RPH3A: variants seen among roughly 807,000 people sequenced by gnomAD.
RPH3A encodes the protein rabphilin-3A.
In RPH3A, 48 loss-of-function variants were observed where a neutral mutation model predicts 102.2. The observed-to-expected ratio is 0.47, with a 90% confidence interval of 0.37 to 0.60. The LOEUF is 0.60. RPH3A is among the 20% of genes least tolerant of loss of function. The pLI is 0.00. For missense variants in RPH3A, 781 were observed against 910.1 expected (o/e 0.86, Z 1.83); for synonymous variants, 310 against 324.3 (o/e 0.96, Z 0.47).
intron 1 of RPH3A, among the ~76,000 whole-genome samples, chr12:112,767,341 T>G (rs2040897525): frequency 1.3e-5 from 2 of 152,134 alleles, no homozygotes; most frequent in African/African-American, 4.8e-5. Context: ...CTCCTCAATC[T>G]CACCCTCTGG....
intron 2 of RPH3A, among the ~76,000 whole-genome samples, chr12:112,811,041 T>G (rs922620349): frequency 6.6e-6 from 1 of 152,128 alleles, no homozygotes; most frequent in Non-Finnish European, 1.5e-5. Flanking sequence ...GATAGTTATG[T>G]TCTGCAAAGT....
At chr12:112,677,425 C>T in intron 1 of RPH3A, among the ~76,000 whole-genome samples, 1 of 85,440 alleles carries the variant, frequency 1.2e-5, no homozygotes, top group East Asian at 3.8e-4. Flanking sequence ...CTCCTTCCTT[C>T]CTTCCTTCCT....
chr12:112,588,199 C>G (rs545448956), intron 1 of RPH3A, among the ~76,000 whole-genome samples: 14 of 152,256 alleles, frequency 9.2e-5, no homozygotes, highest in African/African-American at 3.4e-4. Flanking sequence ...TTTTTATGCA[C>G]AGCATTAAAT....
At chr12:112,601,007 A>G (rs1320206680) in intron 1 of RPH3A, among the ~76,000 whole-genome samples, 3 of 152,172 alleles carry the variant, frequency 2.0e-5, no homozygotes, top group African/African-American at 7.2e-5. Context: ...ATTAGATCTC[A>G]TGAGAGGCAC....
chr12:112,803,258 A>G (rs1309406147), intron 2 of RPH3A, among the ~76,000 whole-genome samples: 1 of 152,110 alleles, frequency 6.6e-6, no homozygotes, highest in African/African-American at 2.4e-5. Context: ...CACTGAGTTA[A>G]GAGTCTGTCC....
At chr12:112,848,047 G>T (rs1334068288) in intron 5 of RPH3A, among the ~76,000 whole-genome samples, 1 of 152,200 alleles carries the variant, frequency 6.6e-6, no homozygotes. Flanking sequence ...AGAGCTAGGA[G>T]AAGAGAAAAG....
At chr12:112,856,963 G>A (rs59035474) in intron 5 of RPH3A, among the ~76,000 whole-genome samples, 1,737 of 152,138 alleles carry the variant, frequency 0.011, 35 homozygotes, top group African/African-American at 0.033. Context: ...ATAGGGCCAG[G>A]CAAGCTCACT....
chr12:112,836,127 T>C (rs1386841271), intron 3 of RPH3A, among the ~76,000 whole-genome samples: 1 of 152,254 alleles, frequency 6.6e-6, no homozygotes, highest in Admixed American at 6.5e-5. Context: ...CTACCTAGTA[T>C]GGTCCTTGTC....
chr12:112,748,830 G>A (rs555891627), intron 1 of RPH3A, among the ~76,000 whole-genome samples: 9 of 152,224 alleles, frequency 5.9e-5, no homozygotes, highest in South Asian at 2.1e-4. Context: ...CAGAGGCTAC[G>A]AACTGATATT....
At chr12:112,643,812 T>C (rs1407718285) in intron 1 of RPH3A, among the ~76,000 whole-genome samples, 3 of 152,224 alleles carry the variant, frequency 2.0e-5, no homozygotes, top group African/African-American at 7.2e-5. Context: ...ATCCCACTAA[T>C]GGGTTTCAAC....
intron 4 of RPH3A, among the ~76,000 whole-genome samples, chr12:112,842,190 A>C (rs1417771921): frequency 6.6e-6 from 1 of 152,240 alleles, no homozygotes; most frequent in African/African-American, 2.4e-5. Flanking sequence ...AGTGCCCACT[A>C]TATGTGCAGT....
At chr12:112,803,266 T>C (rs534094264) in intron 2 of RPH3A, among the ~76,000 whole-genome samples, 1 of 152,184 alleles carries the variant, frequency 6.6e-6, no homozygotes, top group South Asian at 2.1e-4. Context: ...TAAGAGTCTG[T>C]CCATTTGGGT....
At chr12:112,837,861 T>G (rs1266507610) in intron 4 of RPH3A, 1 of 410,286 alleles carries the variant, frequency 2.4e-6, no homozygotes. Flanking sequence ...GCTCCTCCCC[T>G]CCTTCCCTCC....
At chr12:112,766,880 C>T (rs2384034) in intron 1 of RPH3A, among the ~76,000 whole-genome samples, 75,063 of 151,972 alleles carry the variant, frequency 0.49, 19,697 homozygotes, top group East Asian at 0.7. Context: ...AGAAATATGA[C>T]TGGACCCAGG....
intron 1 of RPH3A, among the ~76,000 whole-genome samples, chr12:112,608,932 T>C (rs1264433349): frequency 3.3e-5 from 5 of 152,184 alleles, no homozygotes. Context: ...CAGATTTGAG[T>C]TAAAAACTAA....
chr12:112,783,475 A>G (rs2041022928), intron 1 of RPH3A, among the ~76,000 whole-genome samples: 1 of 152,062 alleles, frequency 6.6e-6, no homozygotes, highest in South Asian at 2.1e-4. Flanking sequence ...ACGTTTTTCT[A>G]TATCTCCACT....
chr12:112,692,104 A>G (rs2040310891), intron 1 of RPH3A, among the ~76,000 whole-genome samples: 1 of 152,250 alleles, frequency 6.6e-6, no homozygotes. Context: ...ATTCTCACTC[A>G]TATGTGGAAG....
intron 1 of RPH3A, among the ~76,000 whole-genome samples, chr12:112,778,952 C>A (rs2040988105): frequency 6.6e-6 from 1 of 152,172 alleles, no homozygotes; most frequent in South Asian, 2.1e-4. Flanking sequence ...TCCACCCAAA[C>A]CTCCACCTGA....
intron 1 of RPH3A, among the ~76,000 whole-genome samples, chr12:112,662,404 G>T (rs545686764): frequency 1.3e-5 from 2 of 152,156 alleles, no homozygotes; most frequent in African/African-American, 4.8e-5. Context: ...TCCATCCTGT[G>T]AGAAAAGTAT....
Sources: gnomAD v4.1 joint callset for allele counts (sites outside exome capture counted in the v4.1 genomes callset) on GRCh38, gnomAD v4.1.1 for gene constraint, MANE v1.5 for transcripts, NCBI Gene and HGNC (gene_info 2026-07-23, HGNC 2026-07-21) for gene names.